The following ANKIB1 variants were observed in gnomAD, a reference collection of about 807,000 sequenced individuals.
ANKIB1 encodes the protein ankyrin repeat and IBR domain-containing protein 1.
ANKIB1 carries 43 observed loss-of-function variants against 122.1 expected under a neutral mutation model. The observed-to-expected ratio is 0.35, with a 90% confidence interval of 0.28 to 0.45. ANKIB1 has a LOEUF of 0.45. Among genes scored for constraint, ANKIB1 ranks in the 20% least tolerant of loss-of-function variants. The pLI is 1.00. For missense variants in ANKIB1, 992 were observed against 1,329.5 expected, an observed-to-expected ratio of 0.75 and a Z score of 3.95; for synonymous variants, 390 against 442.0, an observed-to-expected ratio of 0.88 and a Z score of 1.48.
chr7:92,261,566 T>C (rs896274215), intron 1 of ANKIB1, among the ~76,000 whole-genome samples: 12 of 152,200 alleles, frequency 7.9e-5, no homozygotes, highest in Admixed American at 1.3e-4. Context: ...CTTTATGTCA[T>C]GATTTATAAC....
At chr7:92,295,886 G>A (rs1330130675) in intron 2 of ANKIB1, among the ~76,000 whole-genome samples, 1 of 152,092 alleles carries the variant, frequency 6.6e-6, no homozygotes, top group African/African-American at 2.4e-5. Context: ...ACAAAGAATA[G>A]ACCAGTAGCT....
At chr7:92,285,447 TAAATG>T (rs765611766) in intron 1 of ANKIB1, among the ~76,000 whole-genome samples, 66 of 152,352 alleles carry the variant, frequency 4.3e-4, no homozygotes, top group Non-Finnish European at 6.8e-4. Flanking sequence ...GTTTTAGTCT[TAAATG>T]GAAGATAAGT....
At chr7:92,269,738 AC>A (rs1161803023) in intron 1 of ANKIB1, among the ~76,000 whole-genome samples, 2 of 151,790 alleles carry the variant, frequency 1.3e-5, no homozygotes, top group Non-Finnish European at 2.9e-5. Flanking sequence ...CTTCCCTATA[AC>A]TGAAAGTGTT....
intron 1 of ANKIB1, among the ~76,000 whole-genome samples, chr7:92,261,657 G>A (rs961605928): frequency 3.3e-5 from 5 of 152,040 alleles, no homozygotes; most frequent in African/African-American, 1.2e-4. Flanking sequence ...TGAGAGTATT[G>A]TTCCTGTTTT....
chr7:92,295,298 T>A, intron 2 of ANKIB1, 132 bp downstream of exon 2: 1 of 535,288 alleles, frequency 1.9e-6, no homozygotes. Flanking sequence ...TACAAACATG[T>A]ACATGTAATA....
At chr7:92,267,241 T>TATAC (rs1426888511) in intron 1 of ANKIB1, among the ~76,000 whole-genome samples, 2 of 152,214 alleles carry the variant, frequency 1.3e-5, no homozygotes, top group African/African-American at 2.4e-5. Context: ...ACTTTTTGAA[T>TATAC]ATACATACAT....
At chr7:92,280,104 A>G (rs1036377242) in intron 1 of ANKIB1, among the ~76,000 whole-genome samples, 4 of 152,228 alleles carry the variant, frequency 2.6e-5, no homozygotes, top group African/African-American at 9.6e-5. Flanking sequence ...TCTGCTCACC[A>G]GTAGCAGAAA....
intron 3 of ANKIB1, among the ~76,000 whole-genome samples, chr7:92,311,717 GC>G (rs565443678): frequency 2.0e-5 from 3 of 146,756 alleles, no homozygotes; most frequent in Non-Finnish European, 3.0e-5. Flanking sequence ...TGTAATAAGC[GC>G]CCCCCCCACA....
intron 2 of ANKIB1, among the ~76,000 whole-genome samples, chr7:92,306,826 A>G (rs1802572221): frequency 6.6e-6 from 1 of 152,140 alleles, no homozygotes; most frequent in Non-Finnish European, 1.5e-5. Flanking sequence ...ACCTTGGTGG[A>G]GAAAATTTTC....
At chr7:92,312,307 C>T (rs1802707372) in intron 3 of ANKIB1, among the ~76,000 whole-genome samples, 1 of 152,144 alleles carries the variant, frequency 6.6e-6, no homozygotes, top group Non-Finnish European at 1.5e-5. Flanking sequence ...GAGTAGTCTA[C>T]AATTGTTTGA....
At chr7:92,317,730 G>A (rs954022556) in intron 3 of ANKIB1, among the ~76,000 whole-genome samples, 21 of 152,148 alleles carry the variant, frequency 1.4e-4, no homozygotes, top group African/African-American at 5.1e-4. Flanking sequence ...GCATTCTTAG[G>A]ACTGTAGGAG....
At chr7:92,394,503 A>G (rs1373877787) in intron 17 of ANKIB1, among the ~76,000 whole-genome samples, 1 of 152,200 alleles carries the variant, frequency 6.6e-6, no homozygotes, top group East Asian at 1.9e-4. Flanking sequence ...TTGCTTTTAA[A>G]CGGTTTCATT....
At chr7:92,248,728 G>A (rs1485236942) in intron 1 of ANKIB1, among the ~76,000 whole-genome samples, 1 of 152,114 alleles carries the variant, frequency 6.6e-6, no homozygotes, top group Non-Finnish European at 1.5e-5. Flanking sequence ...GTCTGTGGGA[G>A]TTTTTATACA....
chr7:92,292,820 C>T (rs1003277169), intron 1 of ANKIB1, among the ~76,000 whole-genome samples: 1 of 152,148 alleles, frequency 6.6e-6, no homozygotes, highest in Non-Finnish European at 1.5e-5. Flanking sequence ...CACACACATA[C>T]ACCTTTAAAT....
chr7:92,333,285 G>A (rs561955895), intron 5 of ANKIB1, among the ~76,000 whole-genome samples: 2 of 152,212 alleles, frequency 1.3e-5, no homozygotes, highest in Admixed American at 1.3e-4. Flanking sequence ...CTGCATGACT[G>A]AGCCCCTGCC....
intron 1 of ANKIB1, among the ~76,000 whole-genome samples, chr7:92,251,769 A>G (rs558714488): frequency 3.9e-4 from 60 of 152,212 alleles, no homozygotes; most frequent in Non-Finnish European, 8.4e-4. Context: ...TATACAGCCA[A>G]CATACTACTG....
chr7:92,291,387 A>T (rs1454115123), intron 1 of ANKIB1, among the ~76,000 whole-genome samples: 1 of 152,094 alleles, frequency 6.6e-6, no homozygotes, highest in East Asian at 1.9e-4. Flanking sequence ...TGTGATTATT[A>T]TGCATTGCAT....
intron 3 of ANKIB1, among the ~76,000 whole-genome samples, chr7:92,313,828 T>C (rs1249091075): frequency 1.3e-5 from 2 of 152,148 alleles, no homozygotes; most frequent in African/African-American, 4.8e-5. Flanking sequence ...CTGGTGATTA[T>C]TTGCATGGCA....
intron 1 of ANKIB1, among the ~76,000 whole-genome samples, chr7:92,288,947 A>AATT (rs1290328170): frequency 6.6e-6 from 1 of 152,250 alleles, no homozygotes; most frequent in Admixed American, 6.5e-5. Context: ...TCTGAAAACC[A>AATT]ATTTGGTGGT....
Sources: gnomAD v4.1 joint callset for allele counts (sites outside exome capture counted in the v4.1 genomes callset) on GRCh38, gnomAD v4.1.1 for gene constraint, MANE v1.5 for transcripts, NCBI Gene and HGNC (gene_info 2026-07-23, HGNC 2026-07-21) for gene names.